THSD7B: variants seen among roughly 807,000 people sequenced by gnomAD.
THSD7B encodes the protein thrombospondin type-1 domain-containing protein 7B.
A neutral mutation model predicts 213.6 loss-of-function variants in THSD7B; 138 were observed. The observed-to-expected ratio is 0.65, with a 90% confidence interval of 0.56 to 0.74. The LOEUF is 0.74. THSD7B is among the 30% of genes least tolerant of loss of function. The probability of loss-of-function intolerance (pLI) is 0.00; values close to 1 mark genes in which losing one functional copy is unlikely to be tolerated. For synonymous variants in THSD7B, 742 were observed against 687.0 expected (o/e 1.08, Z -1.25); for missense variants, 1,931 against 1,991.5 (o/e 0.97, Z 0.58).
intron 4 of THSD7B, among the ~76,000 whole-genome samples, chr2:137,105,338 C>T (rs1002226352): frequency 6.6e-6 from 1 of 152,070 alleles, no homozygotes; most frequent in Non-Finnish European, 1.5e-5. Flanking sequence ...GCAGAAAAGC[C>T]CTTCAATAAA....
chr2:136,803,533 A>C (rs1262322691), intron 1 of THSD7B, among the ~76,000 whole-genome samples: 1 of 152,168 alleles, frequency 6.6e-6, no homozygotes, highest in African/African-American at 2.4e-5. Flanking sequence ...ATGCAGAGAA[A>C]ATTTTTACCT....
intron 2 of THSD7B, among the ~76,000 whole-genome samples, chr2:136,955,242 T>C (rs1685105074): frequency 6.6e-6 from 1 of 152,202 alleles, no homozygotes; most frequent in African/African-American, 2.4e-5. Flanking sequence ...ATATATTTGA[T>C]CACCTTGATG....
At chr2:137,410,523 C>T (rs1230514110) in intron 13 of THSD7B, among the ~76,000 whole-genome samples, 1 of 152,284 alleles carries the variant, frequency 6.6e-6, no homozygotes, top group East Asian at 1.9e-4. Context: ...CCCCCAGTGG[C>T]CTCCCAAAGT....
intron 2 of THSD7B, among the ~76,000 whole-genome samples, chr2:137,055,055 G>A (rs1304919780): frequency 6.6e-6 from 1 of 152,042 alleles, no homozygotes; most frequent in Non-Finnish European, 1.5e-5. Context: ...TCCTGTGTTC[G>A]TTTGCTGAGG....
At chr2:136,786,350 A>G (rs73957535) in intron 1 of THSD7B, among the ~76,000 whole-genome samples, 16,322 of 152,070 alleles carry the variant, frequency 0.11, 999 homozygotes, top group South Asian at 0.2. Context: ...AATGTCTTTC[A>G]CTGCTGCTTT....
intron 2 of THSD7B, among the ~76,000 whole-genome samples, chr2:136,981,133 G>A (rs1413386494): frequency 6.6e-6 from 1 of 152,200 alleles, no homozygotes; most frequent in Admixed American, 6.5e-5. Flanking sequence ...ATTTGTAAAA[G>A]AGTGAATGTA....
chr2:137,318,996 A>G (rs556545424), intron 12 of THSD7B, among the ~76,000 whole-genome samples: 1 of 151,894 alleles, frequency 6.6e-6, no homozygotes, highest in Non-Finnish European at 1.5e-5. Flanking sequence ...GGTGTAATGA[A>G]TAACATATCT....
chr2:137,089,379 T>A (rs1687907828), intron 3 of THSD7B, among the ~76,000 whole-genome samples: 4 of 149,796 alleles, frequency 2.7e-5, no homozygotes, highest in African/African-American at 9.8e-5. Flanking sequence ...TATGTATATA[T>A]ACTAGTGTGT....
intron 2 of THSD7B, among the ~76,000 whole-genome samples, chr2:137,000,516 G>A (rs1685981967): frequency 6.6e-6 from 1 of 152,008 alleles, no homozygotes; most frequent in Admixed American, 6.6e-5. Context: ...CATTCTTAGT[G>A]TACTCATGAA....
chr2:137,379,286 G>A lies in THSD7B; in HGVS notation c.2501-26327G>A, dbSNP rs1233461052. ...CATGCAAAATAAGTTGTATCTTTCC[G>A]TAAGCAAGTTTATAATTGGGCTCCT... On this transcript the variant is annotated intron_variant, in intron 12 of 27. Transcript: ENST00000409968. Among the ~76,000 whole-genome samples, 5 of 152,208 alleles carry A rather than the reference G, an allele frequency of 3.3e-5. No homozygotes were observed. The South Asian group carries it at 8.3e-4, about 25-fold the overall frequency.
intron 20 of THSD7B, among the ~76,000 whole-genome samples, chr2:137,637,798 T>C (rs1682860836): frequency 6.6e-6 from 1 of 152,168 alleles, no homozygotes; most frequent in South Asian, 2.1e-4. Context: ...AAGCCTGAAG[T>C]TATTTGGTTA....
At chr2:137,434,617 C>T (rs1296876950) in intron 14 of THSD7B, among the ~76,000 whole-genome samples, 1 of 152,200 alleles carries the variant, frequency 6.6e-6, no homozygotes, top group Non-Finnish European at 1.5e-5. Context: ...AGCACTCAGG[C>T]ATGACAATGT....
rs1400560412 is a variant in THSD7B at position 137,214,798 on chromosome 2, GTA to G, written c.1724-16242_1724-16241del. 5.9e-5 allele frequency among the ~76,000 whole-genome samples: 9 copies of G among 152,108 alleles called. No homozygotes were observed. In the South Asian group the frequency reaches 1.0e-3, roughly 18 times the overall value. ...TTATGGCTGCATAGTCTTCCATGTT[GTA>G]TATGTGCCACATTTTCTTTATCCAG... On this transcript the variant is annotated intron_variant, in intron 7 of 27. Transcript: ENST00000409968.
intron 20 of THSD7B, among the ~76,000 whole-genome samples, chr2:137,640,259 C>T (rs1399890389): frequency 6.6e-6 from 1 of 152,118 alleles, no homozygotes; most frequent in Non-Finnish European, 1.5e-5. Context: ...TCCGCTTTTG[C>T]TTCTTCCTCA....
intron 2 of THSD7B, among the ~76,000 whole-genome samples, chr2:136,939,497 C>T (rs907864137): frequency 7.2e-5 from 11 of 152,232 alleles, no homozygotes; most frequent in African/African-American, 2.6e-4. Context: ...ACCTTATGCC[C>T]CATGATTTTA....
chr2:137,107,494 C>T (rs1428196267), intron 4 of THSD7B, among the ~76,000 whole-genome samples: 1 of 152,158 alleles, frequency 6.6e-6, no homozygotes, highest in African/African-American at 2.4e-5. Context: ...ATGTAACAAA[C>T]CTGCACGTTC....
At chr2:137,132,682 G>A (rs62172310) in intron 5 of THSD7B, among the ~76,000 whole-genome samples, 22,621 of 152,102 alleles carry the variant, frequency 0.15, 1,867 homozygotes, top group Middle Eastern at 0.18. Context: ...AAAGGAATTC[G>A]ATTGATTGTC....
chr2:137,184,808 A>G (rs1680520533), intron 7 of THSD7B, among the ~76,000 whole-genome samples: 2 of 152,162 alleles, frequency 1.3e-5, no homozygotes, highest in African/African-American at 4.8e-5. Flanking sequence ...CTAGAAAACT[A>G]TTCTTAAGGC....
chr2:136,781,927 A>T (rs1031976193), intron 1 of THSD7B, among the ~76,000 whole-genome samples: 13 of 152,190 alleles, frequency 8.5e-5, no homozygotes, highest in African/African-American at 2.9e-4. Flanking sequence ...CATTTTTGAA[A>T]ATCATCATGC....
Sources: gnomAD v4.1 joint callset for allele counts (sites outside exome capture counted in the v4.1 genomes callset) on GRCh38, gnomAD v4.1.1 for gene constraint, MANE v1.5 for transcripts, NCBI Gene and HGNC (gene_info 2026-07-23, HGNC 2026-07-21) for gene names.